SFXN5: variants seen among roughly 807,000 people sequenced by gnomAD.
SFXN5 encodes the protein sideroflexin 5.
Under a neutral mutation model 50.2 loss-of-function variants are expected in SFXN5, and 43 were observed. The ratio of observed to expected loss-of-function variants is 0.86; its 90% CI spans 0.67 to 1.11. SFXN5 has a LOEUF of 1.11. SFXN5 is among the 50% of genes least tolerant of loss of function. SFXN5 has a pLI of 0.00. For synonymous variants in SFXN5, 203 were observed against 185.8 expected (o/e 1.09, Z -0.75); for missense variants, 463 against 454.1 (o/e 1.02, Z -0.18).
chr2:73,001,670 T>G (rs1673935144), intron 6 of SFXN5, 92 bp from the exon 7 acceptor site: 1 of 1,247,640 alleles, frequency 8.0e-7, no homozygotes, highest in Non-Finnish European at 1.2e-6. Flanking sequence ...ATGAGTGAGC[T>G]GGATCTGTAC....
intron 12 of SFXN5, among the ~76,000 whole-genome samples, chr2:72,963,950 C>T (rs774112605): frequency 6.6e-6 from 1 of 152,190 alleles, no homozygotes; most frequent in Non-Finnish European, 1.5e-5. Flanking sequence ...CTGCACCCCC[C>T]AGAGGCAGCC....
intron 6 of SFXN5, among the ~76,000 whole-genome samples, chr2:73,016,729 A>C (rs1244909109): frequency 6.6e-6 from 1 of 152,156 alleles, no homozygotes; most frequent in Non-Finnish European, 1.5e-5. Context: ...CAAACAATGA[A>C]ACCACAAAAA....
chr2:73,061,735 C>T (rs1316148304), intron 1 of SFXN5, among the ~76,000 whole-genome samples: 1 of 151,628 alleles, frequency 6.6e-6, no homozygotes, highest in African/African-American at 2.4e-5. Context: ...TTTATATTTC[C>T]AGATCTTTAA....
At chr2:73,046,323 C>T (rs962309114) in intron 2 of SFXN5, among the ~76,000 whole-genome samples, 5 of 151,126 alleles carry the variant, frequency 3.3e-5, no homozygotes, top group East Asian at 2.0e-4. Flanking sequence ...GCAGGAGAGT[C>T]GCTTGAACCC....
intron 2 of SFXN5, among the ~76,000 whole-genome samples, chr2:73,055,067 A>T (rs1032473363): frequency 1.3e-5 from 2 of 152,348 alleles, no homozygotes; most frequent in Admixed American, 1.3e-4. Context: ...TTCTAGGCCC[A>T]GGTGCCCAGC....
At chr2:73,033,253 G>A (rs916167092) in intron 3 of SFXN5, among the ~76,000 whole-genome samples, 1 of 152,176 alleles carries the variant, frequency 6.6e-6, no homozygotes, top group Admixed American at 6.5e-5. Context: ...GCTGAACACT[G>A]CTCTAGGTGC....
rs1437820416 is a variant in SFXN5 at position 72,944,855 on chromosome 2, A to C, written c.*167T>G. 1.7e-6 allele frequency: 1 copy of C among 597,208 alleles called. No individual in the cohort carries two copies. Among genetic ancestry groups the C allele is most frequent in the African/African-American group, 1.9e-5 (1 of 53,518 alleles). 37.0% of individuals were successfully genotyped at this position (597,208 alleles called of 1,614,324 possible). ...TTAGAACTCCTCTTGCCTATGTTAA[A>C]ATGTGAATGGGTCAGTCTCCCTCCA... On this transcript the variant is annotated 3_prime_UTR_variant, in exon 14 of 14. Coordinates refer to ENST00000272433, the MANE Select transcript of SFXN5 (RefSeq NM_144579.3).
intron 13 of SFXN5, among the ~76,000 whole-genome samples, chr2:72,955,634 A>G (rs1298270306): frequency 6.6e-6 from 1 of 152,252 alleles, no homozygotes. Context: ...AAGTGCTCCC[A>G]GGTAGGGAAC....
chr2:73,004,790 A>T (rs1031859366), intron 6 of SFXN5, among the ~76,000 whole-genome samples: 3 of 152,242 alleles, frequency 2.0e-5, no homozygotes, highest in African/African-American at 7.2e-5. Context: ...AAGCACGAGG[A>T]TGCCAGCCCA....
At chr2:73,062,335 T>A (rs975509056) in intron 1 of SFXN5, among the ~76,000 whole-genome samples, 4 of 152,072 alleles carry the variant, frequency 2.6e-5, no homozygotes, top group Non-Finnish European at 5.9e-5. Context: ...AGAGCTGGGC[T>A]GGGCTTTGAA....
chr2:73,059,246 C>G, intron 1 of SFXN5: 1 of 985,674 alleles, frequency 1.0e-6, no homozygotes, highest in Non-Finnish European at 1.2e-6. Flanking sequence ...TGAAAGGAAA[C>G]CAAGCAACCC....
chr2:73,029,060 C>T (rs994814467), intron 3 of SFXN5, among the ~76,000 whole-genome samples: 1 of 152,196 alleles, frequency 6.6e-6, no homozygotes, highest in South Asian at 2.1e-4. Flanking sequence ...GTCAAGTGGC[C>T]TCCTGGGACC....
intron 10 of SFXN5, among the ~76,000 whole-genome samples, chr2:72,984,634 G>A (rs1273477682): frequency 6.6e-6 from 1 of 152,232 alleles, no homozygotes; most frequent in African/African-American, 2.4e-5. Context: ...AGCACAGAAT[G>A]AGGAGAACCG....
intron 8 of SFXN5, among the ~76,000 whole-genome samples, chr2:72,999,873 C>A (rs898134483): frequency 6.6e-6 from 1 of 152,200 alleles, no homozygotes; most frequent in Non-Finnish European, 1.5e-5. Context: ...AGCAGGGGCC[C>A]AGCAGCCCTT....
chr2:73,007,136 G>T (rs1031323364), intron 6 of SFXN5, among the ~76,000 whole-genome samples: 3 of 152,166 alleles, frequency 2.0e-5, no homozygotes, highest in African/African-American at 7.2e-5. Flanking sequence ...GGCAGGAGGG[G>T]TAAGGCCACT....
chr2:73,041,076 A>G, intron 2 of SFXN5, 145 bp from the exon 3 acceptor site: 1 of 560,772 alleles, frequency 1.8e-6, no homozygotes, highest in Non-Finnish European at 3.1e-6. Flanking sequence ...ACAAAATCAT[A>G]TAGAAATACC....
At chr2:72,968,375 G>A in intron 12 of SFXN5, 73 bp downstream of exon 12, 1 of 1,437,312 alleles carries the variant, frequency 7.0e-7, no homozygotes, top group South Asian at 1.2e-5. Flanking sequence ...CTCTTGCCTG[G>A]GCCAGCCGGT....
chr2:73,036,540 C>A (rs982219056), intron 3 of SFXN5, among the ~76,000 whole-genome samples: 4 of 152,178 alleles, frequency 2.6e-5, no homozygotes, highest in Non-Finnish European at 5.9e-5. Flanking sequence ...CCTTGAGGCA[C>A]ATGGGGGCTT....
chr2:73,025,413 C>T lies in SFXN5; in HGVS notation c.250-2199G>A, dbSNP rs548778447. 3.5e-3 allele frequency among the ~76,000 whole-genome samples: 532 copies of T among 152,312 alleles called. 3 individuals carry two copies. Among genetic ancestry groups the T allele is most frequent in the Middle Eastern group, 6.8e-3 (2 of 294 alleles). On this transcript the variant is annotated intron_variant, in intron 3 of 13. Transcript: ENST00000272433. ...CATTCCATCCCCCCAGGGCCTGGAA[C>T]ACAGTAGGTGCTCAATACGTGCTTA...
Sources: gnomAD v4.1 joint callset for allele counts (sites outside exome capture counted in the v4.1 genomes callset) on GRCh38, gnomAD v4.1.1 for gene constraint, MANE v1.5 for transcripts, NCBI Gene and HGNC (gene_info 2026-07-23, HGNC 2026-07-21) for gene names.